Variants in ARHGEF10 observed in about 807,000 individuals in gnomAD.
ARHGEF10 encodes Rho guanine nucleotide exchange factor 10, also known as Rho guanine nucleotide exchange factor (GEF) 10.
A neutral mutation model predicts 147.4 loss-of-function variants in ARHGEF10; 140 were observed. The observed-to-expected ratio is 0.95, with a 90% CI of 0.83 to 1.09. The LOEUF (loss-of-function observed/expected upper bound fraction) is 1.09, where lower values mean the gene tolerates loss of function less well. ARHGEF10 is among the 50% of genes least tolerant of loss of function. The pLI is 0.00. For synonymous variants in ARHGEF10, 902 were observed against 695.8 expected (o/e 1.30, Z -4.67); for missense variants, 2,222 against 1,752.7 (o/e 1.27, Z -4.78).
intron 26 of ARHGEF10, among the ~76,000 whole-genome samples, chr8:1,939,247 A>G (rs1813881102): frequency 6.6e-6 from 1 of 152,260 alleles, no homozygotes; most frequent in African/African-American, 2.4e-5. Context: ...ACCAAGGCTT[A>G]GAGAAAGGAG....
intron 2 of ARHGEF10, among the ~76,000 whole-genome samples, chr8:1,848,858 T>G (rs1316589543): frequency 1.3e-5 from 2 of 152,220 alleles, no homozygotes; most frequent in African/African-American, 2.4e-5. Context: ...TTTCAAACAT[T>G]AGCAGTTTTT....
intron 13 of ARHGEF10, among the ~76,000 whole-genome samples, chr8:1,895,860 G>A (rs1361348915): frequency 6.6e-6 from 1 of 152,160 alleles, no homozygotes; most frequent in Non-Finnish European, 1.5e-5. Context: ...AACACGTGTA[G>A]GGCATTGTAT....
At chr8:1,877,777 G>A (rs1585361186) in intron 8 of ARHGEF10, among the ~76,000 whole-genome samples, 1 of 152,042 alleles carries the variant, frequency 6.6e-6, no homozygotes, top group East Asian at 1.9e-4. Flanking sequence ...CTCATCTACA[G>A]TGATGTCTGT....
At chr8:1,940,893 T>G (rs1373420065) in intron 26 of ARHGEF10, among the ~76,000 whole-genome samples, 1 of 152,222 alleles carries the variant, frequency 6.6e-6, no homozygotes, top group African/African-American at 2.4e-5. Context: ...TCTCAATTGA[T>G]GCACAAAAAG....
At chr8:1,880,426 C>A (rs572282338) in intron 9 of ARHGEF10, among the ~76,000 whole-genome samples, 1 of 152,206 alleles carries the variant, frequency 6.6e-6, no homozygotes, top group East Asian at 1.9e-4. Flanking sequence ...ATCTGGCTGT[C>A]TACTAGAGAG....
At position 1,866,580 on chromosome 8, in the gene ARHGEF10, G is replaced by A. The variant is rs201355020; in HGVS notation, c.600G>A (p.Pro200=). 4.4e-5 allele frequency: 71 copies of A among 1,607,058 alleles called. No individual in the cohort carries two copies. In the East Asian group the frequency reaches 5.8e-4, roughly 13 times the overall value. Reference sequence around the variant, plus strand: ...CACTTGCCCGCTGGGCCGCAGACCCGGCCAACACAGCCTGGATGGAGAGTA... The same window carrying A: ...CACTTGCCCGCTGGGCCGCAGACCCAGCCAACACAGCCTGGATGGAGAGTA... ...DSALARWAAD[P]ANTAWMENPE... is the part of the protein sequence containing the mutation. The change falls in exon 6 of 29, where the codon CCG becomes CCA. Residue 200 remains proline, a synonymous_variant. Transcript: ENST00000349830.
At chr8:1,908,226 G>GCTTTTTTTT (rs1811057286) in intron 17 of ARHGEF10, among the ~76,000 whole-genome samples, 1 of 101,814 alleles carries the variant, frequency 9.8e-6, no homozygotes. Context: ...CCCACACTTT[G>GCTTTTTTTT]ATTTTTTTTT....
rs1815695287 is a variant in ARHGEF10, at chr8:1,957,742, T to A, written c.*479T>A. ...TTATTTATATTCTATATTTTTGAATTTCAGAGTAAAATTTGTTAACAATTT... is the reference window on the plus strand; with the variant it reads ...TTATTTATATTCTATATTTTTGAATATCAGAGTAAAATTTGTTAACAATTT... On this transcript the variant is annotated 3_prime_UTR_variant, in exon 29 of 29. Coordinates refer to ENST00000349830, the MANE Select transcript of ARHGEF10 (RefSeq NM_014629.4). 2 of 162,514 alleles carry A rather than the reference T, an allele frequency of 1.2e-5. No individual in the cohort carries two copies. Among genetic ancestry groups the A allele is most frequent in the African/African-American group, 4.8e-5 (2 of 41,534 alleles). The allele number at this position is 162,514 out of a possible 1,614,324, so 10.1% of individuals were successfully genotyped here.
intron 2 of ARHGEF10, among the ~76,000 whole-genome samples, chr8:1,849,384 C>G (rs1404784139): frequency 6.7e-6 from 1 of 148,196 alleles, no homozygotes; most frequent in Admixed American, 6.7e-5. Context: ...ACACAGAAGG[C>G]AAATGCCGAG....
At chr8:1,926,228 A>G (rs1482396794) in intron 22 of ARHGEF10, 149 bp from the exon 23 acceptor site, 4 of 727,878 alleles carry the variant, frequency 5.5e-6, no homozygotes, top group Non-Finnish European at 9.7e-6. Context: ...TTAAACTTTC[A>G]TCCTCCCTAT....
intron 27 of ARHGEF10, among the ~76,000 whole-genome samples, 153 bp from the exon 28 acceptor site, chr8:1,952,552 G>C (rs147498234): frequency 6.6e-6 from 1 of 152,228 alleles, no homozygotes; most frequent in East Asian, 1.9e-4. Flanking sequence ...GAGGGAGCCT[G>C]GTGCTCGGGT....
chr8:1,942,720 G>T (rs779418143), intron 26 of ARHGEF10, among the ~76,000 whole-genome samples: 3 of 152,218 alleles, frequency 2.0e-5, no homozygotes, highest in Non-Finnish European at 4.4e-5. Context: ...CAAACAGAAT[G>T]TGGTTCCTTC....
intron 10 of ARHGEF10, 129 bp from the exon 11 acceptor site, chr8:1,885,472 G>A: frequency 1.5e-6 from 1 of 673,026 alleles, no homozygotes. Context: ...ATAATAGCTG[G>A]GTGTCAAGTA....
intron 11 of ARHGEF10, among the ~76,000 whole-genome samples, chr8:1,889,371 G>T (rs1809178087): frequency 9.3e-6 from 1 of 107,138 alleles, no homozygotes; most frequent in African/African-American, 3.9e-5. Context: ...GTGGGGTGAG[G>T]GGTATGTGAG....
chr8:1,918,460 C>CTGTGTGTGTGTGTGTGTGTGTGTGTG (rs60519090), intron 18 of ARHGEF10, among the ~76,000 whole-genome samples: 1 of 140,854 alleles, frequency 7.1e-6, no homozygotes, highest in African/African-American at 2.7e-5. Flanking sequence ...CATTTGATGG[C>CTGTGTGTGTGTGTGTGTGTGTGTGTG]TGTGTGTGTG....
intron 1 of ARHGEF10, among the ~76,000 whole-genome samples, chr8:1,827,808 C>T (rs1023022492): frequency 1.3e-5 from 2 of 152,122 alleles, no homozygotes; most frequent in Non-Finnish European, 2.9e-5. Flanking sequence ...TTTTTCTCTT[C>T]CATGGGTCAC....
chr8:1,881,563 G>GATGTCT (rs1808197329), intron 9 of ARHGEF10, among the ~76,000 whole-genome samples: 1 of 147,494 alleles, frequency 6.8e-6, no homozygotes, highest in Non-Finnish European at 1.5e-5. Flanking sequence ...GAGCAGGGGA[G>GATGTCT]CCCCCGGGGG....
chr8:1,879,069 C>T (rs1428446961), intron 8 of ARHGEF10, among the ~76,000 whole-genome samples: 1 of 152,194 alleles, frequency 6.6e-6, no homozygotes, highest in African/African-American at 2.4e-5. Flanking sequence ...ATTTTAAAAA[C>T]GACCAAAATA....
At chr8:1,861,065 C>T (rs1189874254) in intron 4 of ARHGEF10, among the ~76,000 whole-genome samples, 1 of 152,228 alleles carries the variant, frequency 6.6e-6, no homozygotes, top group African/African-American at 2.4e-5. Context: ...AGGACATGCT[C>T]CGAGCGAGGA....
Sources: allele counts gnomAD v4.1 joint callset (sites outside exome capture counted in the v4.1 genomes callset), GRCh38; gene constraint gnomAD v4.1.1; transcripts MANE v1.5; gene names NCBI Gene and HGNC (gene_info 2026-07-23, HGNC 2026-07-21).